RERE: variants seen among roughly 807,000 people sequenced by gnomAD.
RERE encodes arginine-glutamic acid dipeptide repeats protein.
A neutral mutation model predicts 146.1 loss-of-function variants in RERE; 40 were observed. That is an observed-to-expected ratio of 0.27 (90% CI 0.21 to 0.36). The LOEUF is 0.36. RERE is among the 10% of genes least tolerant of loss of function. The probability of loss-of-function intolerance (pLI) is 1.00; values close to 1 mark genes in which losing one functional copy is unlikely to be tolerated. For missense variants in RERE, 1,933 were observed against 2,138.7 expected, an observed-to-expected ratio of 0.90 and a Z score of 1.90; for synonymous variants, 1,003 against 866.0, an observed-to-expected ratio of 1.16 and a Z score of -2.78.
At chr1:8,757,677 C>G (rs1640668865) in intron 1 of RERE, among the ~76,000 whole-genome samples, 1 of 152,126 alleles carries the variant, frequency 6.6e-6, no homozygotes, top group Admixed American at 6.5e-5. Context: ...TGAACATCAG[C>G]CTTTTTTCAT....
chr1:8,368,747 T>C (rs2124383859), intron 12 of RERE, among the ~76,000 whole-genome samples: 1 of 152,246 alleles, frequency 6.6e-6, no homozygotes, highest in South Asian at 2.1e-4. Flanking sequence ...CTTTAAAAGA[T>C]AGTAACCTGC....
chr1:8,675,495 C>CAAAAAA (rs56912804), intron 1 of RERE, among the ~76,000 whole-genome samples: 42 of 90,114 alleles, frequency 4.7e-4, no homozygotes, highest in Admixed American at 8.1e-4. Flanking sequence ...CCCATCTCTA[C>CAAAAAA]AAAAAAAAAA....
At chr1:8,728,512 T>C (rs750099672) in intron 1 of RERE, among the ~76,000 whole-genome samples, 5 of 151,420 alleles carry the variant, frequency 3.3e-5, no homozygotes, top group Non-Finnish European at 5.9e-5. Context: ...AAAAAGTCTA[T>C]ATTCTTTTTA....
intron 12 of RERE, among the ~76,000 whole-genome samples, chr1:8,393,353 A>T (rs1029071991): frequency 1.3e-5 from 2 of 152,142 alleles, no homozygotes; most frequent in South Asian, 4.1e-4. Context: ...GGCCTGTGTG[A>T]CTGGGGGCCC....
chr1:8,456,468 G>T (rs892840112), intron 11 of RERE, among the ~76,000 whole-genome samples: 4 of 152,106 alleles, frequency 2.6e-5, no homozygotes, highest in African/African-American at 7.2e-5. Flanking sequence ...CTTCAATCTT[G>T]ACACAATGAG....
chr1:8,656,682 C>T (rs1396470651), intron 1 of RERE, among the ~76,000 whole-genome samples: 1 of 152,160 alleles, frequency 6.6e-6, no homozygotes, highest in African/African-American at 2.4e-5. Context: ...ACTACACTTC[C>T]TCCACCTTAC....
intron 2 of RERE, among the ~76,000 whole-genome samples, chr1:8,643,729 G>A (rs191260486): frequency 6.6e-6 from 1 of 152,286 alleles, no homozygotes; most frequent in African/African-American, 2.4e-5. Flanking sequence ...CAGCAGACAG[G>A]GCAACCTGCC....
chr1:8,577,108 G>GCAGTGAGC (rs966028107), intron 4 of RERE, among the ~76,000 whole-genome samples: 7 of 151,794 alleles, frequency 4.6e-5, no homozygotes, highest in Non-Finnish European at 7.4e-5. Flanking sequence ...GGCGGAGGTT[G>GCAGTGAGC]CAGTGAGCCA....
chr1:8,773,957 C>T (rs1641006466), intron 1 of RERE, among the ~76,000 whole-genome samples: 2 of 152,196 alleles, frequency 1.3e-5, no homozygotes, highest in Admixed American at 6.5e-5. Flanking sequence ...CTCTAATGAT[C>T]TTTCCCACTC....
intron 1 of RERE, among the ~76,000 whole-genome samples, chr1:8,779,877 C>T (rs1641134585): frequency 2.0e-5 from 3 of 152,082 alleles, no homozygotes; most frequent in East Asian, 1.9e-4. Context: ...CATAAAAGTG[C>T]TTACACTCAT....
intron 12 of RERE, among the ~76,000 whole-genome samples, chr1:8,371,705 GTC>G (rs1442788849): frequency 6.6e-6 from 1 of 152,234 alleles, no homozygotes; most frequent in African/African-American, 2.4e-5. Flanking sequence ...ATCAGCACAG[GTC>G]TTTAAGAGCT....
In RERE at chr1:8,630,146, T is replaced by TTCCAAGACACACAAAGAG. The variant is rs546884175; in HGVS notation, c.326-5784_326-5767dup. ...ACAGTTAAAACAGATGTCCTCCATT[T>TTCCAAGACACACAAAGAG]TCCAAGACACACAAAGAGTGTATAT... On this transcript the variant is annotated intron_variant, in intron 2 of 22. Coordinates refer to ENST00000400908, the MANE Select transcript of RERE (RefSeq NM_001042681.2). Among the ~76,000 whole-genome samples, 39 of 152,326 alleles carry TTCCAAGACACACAAAGAG rather than the reference T, an allele frequency of 2.6e-4. 2 individuals carry two copies. The East Asian group carries it at 7.1e-3, about 28-fold the overall frequency.
chr1:8,428,913 C>T (rs559003437), intron 11 of RERE, among the ~76,000 whole-genome samples: 1 of 152,320 alleles, frequency 6.6e-6, no homozygotes, highest in African/African-American at 2.4e-5. Flanking sequence ...CCTTGTGCCT[C>T]AGCCTCACTG....
intron 11 of RERE, among the ~76,000 whole-genome samples, chr1:8,450,916 C>T (rs1041653898): frequency 2.0e-5 from 3 of 152,182 alleles, no homozygotes; most frequent in South Asian, 2.1e-4. Context: ...CTGTGTCTAC[C>T]ATTCTTGGTG....
At chr1:8,490,581 A>G (rs1343618616) in intron 10 of RERE, among the ~76,000 whole-genome samples, 1 of 150,426 alleles carries the variant, frequency 6.6e-6, no homozygotes, top group Admixed American at 6.6e-5. Flanking sequence ...AATTGTGAAT[A>G]TGCATATCCA....
chr1:8,422,902 CAA>C, intron 11 of RERE, 95 bp from the exon 12 acceptor site: 2 of 921,654 alleles, frequency 2.2e-6, no homozygotes, highest in South Asian at 2.7e-5. Context: ...ATAACAACCA[CAA>C]AAAAAGTCTC....
At chr1:8,583,703 T>C (rs895708448) in intron 4 of RERE, among the ~76,000 whole-genome samples, 2 of 151,726 alleles carry the variant, frequency 1.3e-5, no homozygotes, top group Non-Finnish European at 2.9e-5. Context: ...AATTAAATAA[T>C]TTAAATAAAT....
intron 6 of RERE, among the ~76,000 whole-genome samples, chr1:8,543,454 G>C (rs1032678785): frequency 2.0e-5 from 3 of 152,040 alleles, no homozygotes; most frequent in Non-Finnish European, 4.4e-5. Context: ...TCCTATTATT[G>C]TACATTACTA....
At chr1:8,742,866 TCAAA>T (rs1640338425) in intron 1 of RERE, among the ~76,000 whole-genome samples, 2 of 116,954 alleles carry the variant, frequency 1.7e-5, no homozygotes, top group African/African-American at 3.8e-5. Context: ...AGATCCTGTC[TCAAA>T]AAAAAAAAAA....
Sources: gnomAD v4.1 joint callset for allele counts (sites outside exome capture counted in the v4.1 genomes callset) on GRCh38, gnomAD v4.1.1 for gene constraint, MANE v1.5 for transcripts, NCBI Gene and HGNC (gene_info 2026-07-23, HGNC 2026-07-21) for gene names.